CBLC: variants seen among roughly 807,000 people sequenced by gnomAD.
CBLC encodes the protein E3 ubiquitin-protein ligase CBL-C.
A neutral mutation model predicts 58.6 loss-of-function variants in CBLC; 46 were observed. The ratio of observed to expected loss-of-function variants is 0.79; its 90% confidence interval spans 0.62 to 1.00. The LOEUF (loss-of-function observed/expected upper bound fraction) is 1.00, where lower values mean the gene tolerates loss of function less well. Ranked by LOEUF, CBLC falls within the 50% of genes least tolerant of loss-of-function variation. The probability of loss-of-function intolerance (pLI) is 0.00; values close to 1 mark genes in which losing one functional copy is unlikely to be tolerated. For synonymous variants in CBLC, 271 were observed against 264.2 expected (o/e 1.03, Z -0.25); for missense variants, 655 against 625.8 (o/e 1.05, Z -0.50).
At chr19:44,782,825 C>T (rs910417891) in intron 4 of CBLC, among the ~76,000 whole-genome samples, 2 of 152,134 alleles carry the variant, frequency 1.3e-5, no homozygotes, top group African/African-American at 4.8e-5. Flanking sequence ...AATTTCCCAC[C>T]TGTTGGCATA....
intron 7 of CBLC, 60 bp from the exon 8 acceptor site, chr19:44,793,414 C>T (rs1968102751): frequency 1.3e-6 from 2 of 1,500,254 alleles, no homozygotes; most frequent in African/African-American, 2.8e-5. Flanking sequence ...TCCTCGTTGG[C>T]CCAAGGGACA....
chr19:44,798,860 A>G (rs561171465), intron 9 of CBLC, among the ~76,000 whole-genome samples: 27 of 152,128 alleles, frequency 1.8e-4, no homozygotes, highest in Admixed American at 1.8e-3. Context: ...CACCTCTCTG[A>G]TCTCCCCTAC....
At chr19:44,796,636 C>T (rs1426393881) in intron 9 of CBLC, among the ~76,000 whole-genome samples, 3 of 152,046 alleles carry the variant, frequency 2.0e-5, no homozygotes, top group Middle Eastern at 3.2e-3. Context: ...CCGCCTGCCT[C>T]GGCCTCCCAA....
intron 6 of CBLC, 59 bp from the exon 7 acceptor site, chr19:44,792,324 T>C (rs1472893330): frequency 5.6e-6 from 9 of 1,597,906 alleles, no homozygotes; most frequent in African/African-American, 1.3e-5. Flanking sequence ...GTGGCCCAAG[T>C]TGTGTCCCCG....
At chr19:44,795,525 TA>T (rs989924435) in intron 9 of CBLC, among the ~76,000 whole-genome samples, 8 of 139,874 alleles carry the variant, frequency 5.7e-5, no homozygotes, top group African/African-American at 8.0e-5. Context: ...TCTAAACCAA[TA>T]AAAAAAAAGA....
At chr19:44,780,830 T>C in intron 1 of CBLC, 75 bp from the exon 2 acceptor site, 1 of 1,455,394 alleles carries the variant, frequency 6.9e-7, no homozygotes. Flanking sequence ...TCCCTGCAGG[T>C]GTTCCCCATG....
At chr19:44,788,856 C>T (rs1967976208) in intron 5 of CBLC, among the ~76,000 whole-genome samples, 1 of 152,068 alleles carries the variant, frequency 6.6e-6, no homozygotes, top group Non-Finnish European at 1.5e-5. Context: ...TGATCATGTC[C>T]ATGTTACAGA....
chr19:44,789,712 G>A (rs1191400526), intron 5 of CBLC, among the ~76,000 whole-genome samples: 1 of 152,108 alleles, frequency 6.6e-6, no homozygotes, highest in African/African-American at 2.4e-5. Flanking sequence ...TTTTCATATC[G>A]TTTTCTGGTT....
In CBLC at chr19:44,800,532, C is replaced by A. The variant is rs962918335; in HGVS notation, c.*8-19C>A. ...CCTGGAGGTGACCTCATCTAACCCA[C>A]CCCTCTCTCCGCCTACAGGGCACCC... On this transcript the variant is annotated intron_variant, in intron 10 of 10. Transcript: ENST00000647358. 1 of 816,152 alleles carries A rather than the reference C, an allele frequency of 1.2e-6. No homozygotes were observed. Among genetic ancestry groups the A allele is most frequent in the Non-Finnish European group, 2.0e-6 (1 of 498,498 alleles). The allele number at this position is 816,152 out of a possible 1,614,324, so 50.6% of individuals were successfully genotyped here. A position where few individuals can be genotyped will look rare whatever the true frequency, so the allele number is the denominator to read the frequency against.
At chr19:44,790,174 G>A (rs1968011188) in intron 6 of CBLC, 83 bp downstream of exon 6, 10 of 1,031,926 alleles carry the variant, frequency 9.7e-6, no homozygotes, top group Non-Finnish European at 1.5e-5. Flanking sequence ...CCTGGGGTTG[G>A]AATGTTGGCT....
intron 9 of CBLC, among the ~76,000 whole-genome samples, chr19:44,798,751 A>G (rs1968229229): frequency 1.3e-5 from 2 of 152,006 alleles, no homozygotes; most frequent in South Asian, 4.1e-4. Flanking sequence ...AGAAAGAAAG[A>G]AAGAAAGAAA....
chr19:44,782,784 G>A (rs776199814), intron 4 of CBLC, among the ~76,000 whole-genome samples: 12 of 152,210 alleles, frequency 7.9e-5, no homozygotes, highest in Non-Finnish European at 1.8e-4. Context: ...TCAGAGTCAT[G>A]TTGTACCATC....
In CBLC at chr19:44,780,983, C is replaced by T. The variant is rs1967710571; in HGVS notation, c.432C>T (p.Tyr144=). ...ACGCACTCTTCCCCGGGGGAAAGTA[C>T]TGTGGACACATGTACCAGCTCACCA... is the stretch of plus-strand genomic sequence containing the variant. The part of the protein sequence containing the change: ...ELHALFPGGK[Y]CGHMYQLTKA... The change falls in exon 2 of 11, where the codon TAC becomes TAT. Residue 144 remains tyrosine (Y), a synonymous_variant. Coordinates refer to ENST00000647358, the MANE Select transcript of CBLC (RefSeq NM_012116.4). The T allele has an allele frequency of 6.2e-7, 1 of 1,613,522 alleles. No individual in the cohort carries two copies. Among genetic ancestry groups the T allele is most frequent in the Middle Eastern group, 1.6e-4 (1 of 6,062 alleles).
Position 44,784,393 on chromosome 19 carries a change from G to C in CBLC, c.909G>C (p.Lys303Asn). The change falls in exon 5 of 11, where the codon AAG (lysine) becomes AAC (asparagine). Residue 303 changes from lysine (K) to asparagine (N), a missense_variant. Around this residue, in one of 3 missense-constraint regions of CBLC, gnomAD observed 371 missense variants for 370.8 expected, o/e 1.00. Transcript: ENST00000647358. ...CCCAGGTGCTCCTGGAGGGACAGAAGGACGGCTTGTGAGTCTCCATTCTGG... is the reference window on the plus strand; with the variant it reads ...CCCAGGTGCTCCTGGAGGGACAGAACGACGGCTTGTGAGTCTCCATTCTGG... ...PLSQVLLEGQ[K>N]DGFYLYPDGK... 6.3e-7 allele frequency: 1 copy of C among 1,583,220 alleles called. No homozygotes were observed. Among genetic ancestry groups the C allele is most frequent in the Non-Finnish European group, 8.7e-7 (1 of 1,155,928 alleles).
At chr19:44,798,579 G>C (rs1012964807) in intron 9 of CBLC, among the ~76,000 whole-genome samples, 5 of 152,108 alleles carry the variant, frequency 3.3e-5, no homozygotes, top group African/African-American at 1.2e-4. Context: ...GCTAGGCGTG[G>C]TGGCGGGCAC....
rs1438920184 is a variant in CBLC at position 44,793,451 on chromosome 19, C to T, written c.1138-23C>T. Reference sequence around the variant, plus strand: ...GATGGAGAGCAGGGGAGCACTGACCCTTTCCCTCCCGACCTCCCCCAGCAC... The same window carrying T: ...GATGGAGAGCAGGGGAGCACTGACCTTTTCCCTCCCGACCTCCCCCAGCAC... On this transcript the variant is annotated intron_variant, in intron 7 of 10. Coordinates refer to ENST00000647358, the MANE Select transcript of CBLC (RefSeq NM_012116.4). The T allele has an allele frequency of 1.9e-6, 3 of 1,587,394 alleles. No individual in the cohort carries two copies. The South Asian group carries it at 3.4e-5, about 18-fold the overall frequency.
chr19:44,787,060 G>C (rs114933508), intron 5 of CBLC, among the ~76,000 whole-genome samples: 1,574 of 152,130 alleles, frequency 0.01, 36 homozygotes, highest in African/African-American at 0.036. Context: ...ATTCCAGCTT[G>C]GGTGACAGAG....
intron 9 of CBLC, among the ~76,000 whole-genome samples, chr19:44,799,228 T>G (rs1378017529): frequency 6.6e-6 from 1 of 152,152 alleles, no homozygotes; most frequent in Non-Finnish European, 1.5e-5. Context: ...TCCCAGCACT[T>G]TGGGAGGCTG....
chr19:44,786,403 AAC>A (rs1288242559), intron 5 of CBLC, among the ~76,000 whole-genome samples: 2 of 151,584 alleles, frequency 1.3e-5, no homozygotes, highest in Non-Finnish European at 2.9e-5. Context: ...CATCCTGCCT[AAC>A]ACTGTGAAAC....
Sources: gnomAD v4.1 joint callset for allele counts (sites outside exome capture counted in the v4.1 genomes callset) on GRCh38, gnomAD v4.1.1 for gene constraint, gnomAD v4.1.1 regional missense constraint, MANE v1.5 for transcripts, NCBI Gene and HGNC (gene_info 2026-07-23, HGNC 2026-07-21) for gene names.